Variants in MME observed in about 807,000 individuals in gnomAD.
MME encodes membrane metalloendopeptidase, also known as neprilysin.
MME carries 98 observed loss-of-function variants against 113.2 expected under a neutral mutation model. That is an observed-to-expected ratio of 0.87 (90% CI 0.74 to 1.02). MME has a LOEUF of 1.02. Among genes scored for constraint, MME ranks in the 50% least tolerant of loss-of-function variants. MME has a pLI of 0.00. For missense variants in MME, 836 were observed against 896.0 expected (o/e 0.93, Z 0.86); for synonymous variants, 292 against 300.6 (o/e 0.97, Z 0.30).
chr3:155,093,759 G>A (rs1336574439), intron 3 of MME, among the ~76,000 whole-genome samples: 5 of 151,564 alleles, frequency 3.3e-5, no homozygotes, highest in Non-Finnish European at 7.4e-5. Flanking sequence ...GGGAGGCTGA[G>A]GCACAAGAAT....
chr3:155,163,324 A>G (rs1345105705), intron 17 of MME, among the ~76,000 whole-genome samples: 1 of 152,214 alleles, frequency 6.6e-6, no homozygotes, highest in Non-Finnish European at 1.5e-5. Flanking sequence ...AATAATTTCT[A>G]CTTCTTAATT....
chr3:155,024,854 C>T (rs1242933913), intron 1 of MME, among the ~76,000 whole-genome samples: 1 of 152,126 alleles, frequency 6.6e-6, no homozygotes, highest in Non-Finnish European at 1.5e-5. Context: ...AAAAATGGTC[C>T]TGCCTATGGT....
intron 21 of MME, 88 bp from the exon 22 acceptor site, chr3:155,172,448 A>G: frequency 9.1e-7 from 1 of 1,094,598 alleles, no homozygotes; most frequent in Non-Finnish European, 1.4e-6. Flanking sequence ...TTCCAATTTA[A>G]TTTTTCTCCT....
At chr3:155,073,810 C>T (rs1163986885) in intron 1 of MME, among the ~76,000 whole-genome samples, 1 of 151,848 alleles carries the variant, frequency 6.6e-6, no homozygotes, top group Non-Finnish European at 1.5e-5. Flanking sequence ...ATCTATAGGA[C>T]TGTAGATGGG....
At chr3:155,057,360 T>C (rs970936272) in intron 1 of MME, among the ~76,000 whole-genome samples, 3 of 152,208 alleles carry the variant, frequency 2.0e-5, no homozygotes, top group Non-Finnish European at 4.4e-5. Flanking sequence ...TCATCATCAC[T>C]GGCCATCAGA....
chr3:155,153,993 C>T (rs1249428540), intron 16 of MME, among the ~76,000 whole-genome samples: 1 of 152,052 alleles, frequency 6.6e-6, no homozygotes, highest in Non-Finnish European at 1.5e-5. Context: ...GCACTTTTTT[C>T]AAACCACAAA....
At chr3:155,035,094 C>T (rs1713087818) in intron 1 of MME, among the ~76,000 whole-genome samples, 1 of 151,460 alleles carries the variant, frequency 6.6e-6, no homozygotes, top group African/African-American at 2.4e-5. Context: ...TTAGAAATCA[C>T]GATGGAGAAA....
At chr3:155,079,000 T>G (rs1714885322), upstream of MME, among the ~76,000 whole-genome samples, 1 of 152,114 alleles carries the variant, frequency 6.6e-6, no homozygotes, top group African/African-American at 2.4e-5. Context: ...TTTATTTTTC[T>G]CTTTCTCACT....
At chr3:155,133,062 A>AAATATATATATATATATATATATAT (rs1553762419) in intron 8 of MME, among the ~76,000 whole-genome samples, 11 of 75,046 alleles carry the variant, frequency 1.5e-4, no homozygotes, top group South Asian at 3.9e-4. Flanking sequence ...AAAAAAAAAA[A>AAATATATATATATATATATATATAT]ATATATATAT....
chr3:155,038,126 C>T (rs1171586906), intron 1 of MME, among the ~76,000 whole-genome samples: 2 of 152,162 alleles, frequency 1.3e-5, no homozygotes, highest in Non-Finnish European at 2.9e-5. Flanking sequence ...GTGATAAGAA[C>T]ATGGAGTGTA....
intron 1 of MME, among the ~76,000 whole-genome samples, chr3:155,050,611 TG>T (rs1453493093): frequency 6.6e-6 from 1 of 152,224 alleles, no homozygotes; most frequent in Non-Finnish European, 1.5e-5. Flanking sequence ...ATATGCTTCT[TG>T]GTTGCATGTA....
chr3:155,050,530 A>G (rs1713725183), intron 1 of MME, among the ~76,000 whole-genome samples: 2 of 152,222 alleles, frequency 1.3e-5, no homozygotes, highest in East Asian at 1.9e-4. Flanking sequence ...ATTCTGACTC[A>G]CGTGAGATAG....
At chr3:155,137,219 G>A (rs1559942256) in intron 8 of MME, among the ~76,000 whole-genome samples, 1 of 152,164 alleles carries the variant, frequency 6.6e-6, no homozygotes, top group Non-Finnish European at 1.5e-5. Context: ...TACAGTAACA[G>A]GAGCTATTTA....
At chr3:155,093,870 AG>A (rs963368136) in intron 3 of MME, among the ~76,000 whole-genome samples, 1 of 149,366 alleles carries the variant, frequency 6.7e-6, no homozygotes, top group African/African-American at 2.4e-5. Context: ...AAAAAAAAAA[AG>A]ATTGAAAAAA....
chr3:155,166,741 A>G (rs142883157), intron 17 of MME, among the ~76,000 whole-genome samples, 161 bp from the exon 18 acceptor site: 192 of 152,342 alleles, frequency 1.3e-3, no homozygotes, highest in African/African-American at 4.4e-3. Flanking sequence ...GCAGCTTAGC[A>G]AGCACAAAGC....
At chr3:155,070,736 T>C (rs190364983) in intron 1 of MME, among the ~76,000 whole-genome samples, 3 of 152,330 alleles carry the variant, frequency 2.0e-5, no homozygotes, top group African/African-American at 4.8e-5. Context: ...TTAAGACATA[T>C]ACTTTCCCAC....
chr3:155,122,151 T>A (rs1719204056), intron 8 of MME, among the ~76,000 whole-genome samples: 1 of 145,408 alleles, frequency 6.9e-6, no homozygotes, highest in Non-Finnish European at 1.5e-5. Flanking sequence ...CTTGGGAGAG[T>A]GTATGTGTCG....
chr3:155,085,820 C>G (rs931074990), intron 3 of MME: 3 of 152,222 alleles, frequency 2.0e-5, no homozygotes, highest in African/African-American at 7.2e-5. Context: ...CGTGAGCCAC[C>G]GCACCCAGCC....
intron 1 of MME, among the ~76,000 whole-genome samples, chr3:155,059,795 T>G: frequency 6.6e-6 from 1 of 152,318 alleles, no homozygotes; most frequent in Middle Eastern, 3.4e-3. Context: ...ATTCTTAAAT[T>G]GCCATCTGAA....
Sources: gnomAD v4.1 joint callset for allele counts (sites outside exome capture counted in the v4.1 genomes callset) on GRCh38, gnomAD v4.1.1 for gene constraint, MANE v1.5 for transcripts, NCBI Gene and HGNC (gene_info 2026-07-23, HGNC 2026-07-21) for gene names.